The following JMJD1C variants were observed in gnomAD, a reference collection of about 807,000 sequenced individuals.
The protein encoded by JMJD1C is jumonji domain containing 1C.
A neutral mutation model predicts 245.3 loss-of-function variants in JMJD1C; 31 were observed. That is an observed-to-expected ratio of 0.13 (90% CI 0.09 to 0.17). The LOEUF (loss-of-function observed/expected upper bound fraction) is 0.17. Among genes scored for constraint, JMJD1C ranks in the 10% least tolerant of loss-of-function variants. The pLI is 1.00. For missense variants in JMJD1C, 2,691 were observed against 3,000.2 expected (o/e 0.90, Z 2.41); for synonymous variants, 1,057 against 1,017.4 (o/e 1.04, Z -0.74).
At chr10:63,208,894 A>G in intron 9 of JMJD1C, 93 bp from the exon 10 acceptor site, 4 of 1,147,796 alleles carry the variant, frequency 3.5e-6, no homozygotes, top group Non-Finnish European at 4.9e-6. Flanking sequence ...TATGAAAGTA[A>G]AAGACATCTT....
intron 3 of JMJD1C, among the ~76,000 whole-genome samples, chr10:63,225,736 G>A (rs993193345): frequency 5.4e-5 from 8 of 149,442 alleles, no homozygotes; most frequent in South Asian, 2.1e-4. Context: ...CTGAGATGGC[G>A]CCATTGCACT....
intron 2 of JMJD1C, among the ~76,000 whole-genome samples, chr10:63,317,034 A>G (rs1352316878): frequency 6.6e-6 from 1 of 151,488 alleles, no homozygotes; most frequent in Non-Finnish European, 1.5e-5. Context: ...TAATTTTTGT[A>G]TTTTTAGAAG....
chr10:63,308,568 A>G (rs1938622847), intron 2 of JMJD1C, among the ~76,000 whole-genome samples: 1 of 151,948 alleles, frequency 6.6e-6, no homozygotes, highest in Admixed American at 6.6e-5. Context: ...TTACCAGAAA[A>G]AGAGTTATTT....
At chr10:63,280,072 A>T (rs539292731) in intron 2 of JMJD1C, among the ~76,000 whole-genome samples, 2 of 151,928 alleles carry the variant, frequency 1.3e-5, no homozygotes, top group Admixed American at 6.6e-5. Flanking sequence ...AATCACTTGA[A>T]CCCGGGAGGC....
At chr10:63,400,924 G>C (rs967055278) in intron 1 of JMJD1C, among the ~76,000 whole-genome samples, 3 of 151,552 alleles carry the variant, frequency 2.0e-5, no homozygotes, top group African/African-American at 7.3e-5. Flanking sequence ...TTTGTCACCA[G>C]GCTGGAGTGC....
At chr10:63,209,715 T>C (rs1005469718) in intron 8 of JMJD1C, among the ~76,000 whole-genome samples, 2 of 152,238 alleles carry the variant, frequency 1.3e-5, no homozygotes, top group African/African-American at 4.8e-5. Context: ...AATTGGCAGA[T>C]AATTACATTT....
intron 2 of JMJD1C, among the ~76,000 whole-genome samples, chr10:63,265,285 C>G (rs1855411668): frequency 1.3e-5 from 2 of 149,576 alleles, no homozygotes; most frequent in Non-Finnish European, 3.0e-5. Flanking sequence ...CTGCACCAAG[C>G]ACAGATAAAA....
intron 11 of JMJD1C, among the ~76,000 whole-genome samples, chr10:63,199,725 A>C (rs1312295534): frequency 6.6e-6 from 1 of 152,158 alleles, no homozygotes; most frequent in East Asian, 1.9e-4. Flanking sequence ...TTGGCTACAA[A>C]GTGAGGAAGA....
intron 1 of JMJD1C, among the ~76,000 whole-genome samples, chr10:63,429,764 T>A (rs1462370737): frequency 6.6e-6 from 1 of 152,252 alleles, no homozygotes; most frequent in Non-Finnish European, 1.5e-5. Context: ...CCTCTTATTA[T>A]AGCACTATAT....
At chr10:63,475,825 A>C (rs1953643250) in intron 1 of JMJD1C, among the ~76,000 whole-genome samples, 1 of 152,242 alleles carries the variant, frequency 6.6e-6, no homozygotes, top group Non-Finnish European at 1.5e-5. Flanking sequence ...TGCGCAGATA[A>C]GGCTAACAGG....
intron 1 of JMJD1C, among the ~76,000 whole-genome samples, chr10:63,463,807 T>C (rs1277744486): frequency 2.0e-5 from 3 of 152,124 alleles, no homozygotes; most frequent in Non-Finnish European, 2.9e-5. Context: ...ACAATCAGGA[T>C]AGGAAACATT....
chr10:63,509,440 T>C (rs868210988), intron 1 of JMJD1C, among the ~76,000 whole-genome samples: 2 of 152,236 alleles, frequency 1.3e-5, no homozygotes, highest in Non-Finnish European at 2.9e-5. Flanking sequence ...TTAAGATGTA[T>C]TTCCCCTACT....
intron 2 of JMJD1C, among the ~76,000 whole-genome samples, chr10:63,293,046 TAAAC>T (rs747356542): frequency 5.3e-5 from 8 of 151,978 alleles, no homozygotes; most frequent in African/African-American, 1.4e-4. Context: ...CCTCTCAAAA[TAAAC>T]AAACAAACAA....
At chr10:63,302,101 C>T (rs1311591282) in intron 2 of JMJD1C, among the ~76,000 whole-genome samples, 1 of 152,090 alleles carries the variant, frequency 6.6e-6, no homozygotes, top group Non-Finnish European at 1.5e-5. Context: ...ACTGCAGCCT[C>T]GAACTCCTGG....
chr10:63,474,095 A>T (rs544668736), intron 1 of JMJD1C, among the ~76,000 whole-genome samples: 96 of 148,870 alleles, frequency 6.4e-4, no homozygotes, highest in African/African-American at 2.3e-3. Context: ...ACACTAAAAA[A>T]AATAATAATA....
chr10:63,244,248 A>G (rs1237417006), intron 3 of JMJD1C, among the ~76,000 whole-genome samples: 1 of 152,148 alleles, frequency 6.6e-6, no homozygotes, highest in Non-Finnish European at 1.5e-5. Flanking sequence ...ACCCCTAGCT[A>G]GTCTTCGCAC....
At chr10:63,439,633 A>G (rs1368362074) in intron 1 of JMJD1C, among the ~76,000 whole-genome samples, 2 of 152,176 alleles carry the variant, frequency 1.3e-5, no homozygotes, top group Non-Finnish European at 2.9e-5. Context: ...CCTTATTTCT[A>G]TTTTATCAAT....
intron 1 of JMJD1C, among the ~76,000 whole-genome samples, chr10:63,517,555 ACAATGAAGGATGCG>A (rs1434850214): frequency 6.6e-6 from 1 of 152,190 alleles, no homozygotes; most frequent in Non-Finnish European, 1.5e-5. Flanking sequence ...TTTGCAGAAC[ACAATGAAGGATGCG>A]CTTTATATAG....
intron 1 of JMJD1C, among the ~76,000 whole-genome samples, chr10:63,389,097 G>C (rs1290098509): frequency 2.0e-5 from 3 of 152,100 alleles, no homozygotes; most frequent in African/African-American, 7.2e-5. Context: ...GCCAAGGTGG[G>C]CAGATCACCT....
Sources: allele counts gnomAD v4.1 joint callset (sites outside exome capture counted in the v4.1 genomes callset), GRCh38; gene constraint gnomAD v4.1.1; transcripts MANE v1.5; gene names NCBI Gene and HGNC (gene_info 2026-07-23, HGNC 2026-07-21).